SLIT2: variants seen among roughly 807,000 people sequenced by gnomAD.
The protein encoded by SLIT2 is slit guidance ligand 2.
Under a neutral mutation model 185.7 loss-of-function variants are expected in SLIT2, and 41 were observed. That is an observed-to-expected ratio of 0.22 (90% confidence interval 0.17 to 0.29). The LOEUF is 0.29. Among genes scored for constraint, SLIT2 ranks in the 10% least tolerant of loss-of-function variants. The pLI, the probability that SLIT2 is intolerant of heterozygous loss-of-function variation, is 1.00. For missense variants in SLIT2, 1,571 were observed against 1,909.0 expected (o/e 0.82, Z 3.30); for synonymous variants, 693 against 680.2 (o/e 1.02, Z -0.29).
At chr4:20,429,295 G>A (rs554152058) in intron 4 of SLIT2, among the ~76,000 whole-genome samples, 93 of 152,040 alleles carry the variant, frequency 6.1e-4, no homozygotes, top group Non-Finnish European at 1.1e-3. Context: ...AGTTTCCTAT[G>A]CAATCCCAAT....
At chr4:20,612,527 C>A (rs775296684) in intron 34 of SLIT2, among the ~76,000 whole-genome samples, 1 of 152,014 alleles carries the variant, frequency 6.6e-6, no homozygotes, top group East Asian at 1.9e-4. Context: ...TTTCAAACCA[C>A]AAGGAACCTG....
intron 9 of SLIT2, among the ~76,000 whole-genome samples, chr4:20,495,537 C>A (rs995262458): frequency 1.3e-5 from 2 of 152,050 alleles, no homozygotes; most frequent in Non-Finnish European, 2.9e-5. Context: ...TTCTTATGAT[C>A]GTGATTTTCT....
chr4:20,365,713 C>G (rs1224384950), intron 4 of SLIT2, among the ~76,000 whole-genome samples: 2 of 152,082 alleles, frequency 1.3e-5, no homozygotes, highest in East Asian at 3.9e-4. Context: ...AAGAACTGTG[C>G]CTGCCACACT....
At chr4:20,534,944 C>T (rs555753430) in intron 18 of SLIT2, among the ~76,000 whole-genome samples, 3 of 152,238 alleles carry the variant, frequency 2.0e-5, no homozygotes, top group Non-Finnish European at 4.4e-5. Context: ...CTGACCCATC[C>T]CAAGGGCTAA....
At chr4:20,434,450 C>A (rs941546636) in intron 4 of SLIT2, among the ~76,000 whole-genome samples, 1 of 152,062 alleles carries the variant, frequency 6.6e-6, no homozygotes, top group Non-Finnish European at 1.5e-5. Context: ...CGCACCACTG[C>A]ACCTCCAGCT....
chr4:20,509,373 T>C (rs764602027), intron 9 of SLIT2, among the ~76,000 whole-genome samples: 40 of 152,082 alleles, frequency 2.6e-4, no homozygotes, highest in Non-Finnish European at 4.3e-4. Context: ...CAGAAGAAGC[T>C]GGTATTTTAT....
At chr4:20,574,487 GATA>G (rs1378389840) in intron 29 of SLIT2, among the ~76,000 whole-genome samples, 1 of 152,098 alleles carries the variant, frequency 6.6e-6, no homozygotes, top group Non-Finnish European at 1.5e-5. Flanking sequence ...GGATTATGAG[GATA>G]ATAAGGAAGT....
intron 9 of SLIT2, among the ~76,000 whole-genome samples, 186 bp downstream of exon 9, chr4:20,492,085 TG>T (rs1717834725): frequency 1.3e-5 from 2 of 152,208 alleles, no homozygotes; most frequent in Non-Finnish European, 1.5e-5. Context: ...GTGGCTGTGA[TG>T]TTTTTTCTTC....
At chr4:20,263,554 C>G (rs918610104) in intron 3 of SLIT2, among the ~76,000 whole-genome samples, 10 of 151,900 alleles carry the variant, frequency 6.6e-5, no homozygotes, top group African/African-American at 2.4e-4. Flanking sequence ...AAATACACAT[C>G]AATTGTACTG....
At position 20,369,809 on chromosome 4, in the gene SLIT2, A is replaced by G. The variant is rs1291012005; in HGVS notation, c.396-97943A>G. On this transcript the variant is annotated intron_variant, in intron 4 of 36. Coordinates refer to ENST00000504154, the MANE Select transcript of SLIT2 (RefSeq NM_004787.4). ...TGCTCACCATATCTGGAGGTATTTG[A>G]AGTTTCTGTGTTTTAGGTTTCCACC... Among the ~76,000 whole-genome samples the G allele has an allele frequency of 2.0e-5, 3 of 151,910 alleles. No homozygotes were observed. In the East Asian group the frequency reaches 5.8e-4, roughly 30 times the overall value.
At chr4:20,573,940 T>TTATTTATTTATTTATG (rs1194173116) in intron 29 of SLIT2, among the ~76,000 whole-genome samples, 1 of 147,926 alleles carries the variant, frequency 6.8e-6, no homozygotes, top group African/African-American at 2.5e-5. Context: ...TAGAATTATT[T>TTATTTATTTATTTATG]TATTTATTTA....
intron 3 of SLIT2, among the ~76,000 whole-genome samples, chr4:20,262,813 G>A (rs938474579): frequency 3.9e-5 from 6 of 151,974 alleles, no homozygotes; most frequent in East Asian, 1.9e-4. Flanking sequence ...ATCCCTGTGC[G>A]CTGTTACAAG....
chr4:20,560,965 C>A (rs997372224), intron 26 of SLIT2, among the ~76,000 whole-genome samples: 14 of 151,752 alleles, frequency 9.2e-5, no homozygotes, highest in African/African-American at 3.4e-4. Context: ...ATAGATAATT[C>A]TAAAAAATGG....
At chr4:20,442,488 C>A (rs1015773207) in intron 4 of SLIT2, among the ~76,000 whole-genome samples, 5 of 133,718 alleles carry the variant, frequency 3.7e-5, no homozygotes, top group Non-Finnish European at 7.7e-5. Context: ...CGCGCCACTG[C>A]GCTCCAGCCT....
chr4:20,316,442 A>G (rs1387109992), intron 4 of SLIT2, among the ~76,000 whole-genome samples: 1 of 152,014 alleles, frequency 6.6e-6, no homozygotes, highest in Non-Finnish European at 1.5e-5. Flanking sequence ...TAGATATGCT[A>G]CACTATAAAA....
chr4:20,566,137 C>A (rs1479269327), intron 26 of SLIT2, among the ~76,000 whole-genome samples: 1 of 151,990 alleles, frequency 6.6e-6, no homozygotes, highest in East Asian at 1.9e-4. Flanking sequence ...AAGGTTAGAG[C>A]AGTAACGGTG....
In SLIT2 at chr4:20,435,737, C is replaced by T. The variant is rs555351497; in HGVS notation, c.396-32015C>T. Among the ~76,000 whole-genome samples the T allele has an allele frequency of 2.0e-5, 3 of 152,222 alleles. No homozygotes were observed. In the East Asian group the frequency reaches 5.8e-4, roughly 29 times the overall value. On this transcript the variant is annotated intron_variant, in intron 4 of 36. Coordinates refer to ENST00000504154, the MANE Select transcript of SLIT2 (RefSeq NM_004787.4). ...AACAGGGTGTTGACTCTAGCTAGAT[C>T]AGAGCATTCCAAATGAAGTCATAGG...
chr4:20,357,109 G>A (rs1049537648), intron 4 of SLIT2, among the ~76,000 whole-genome samples: 1 of 152,084 alleles, frequency 6.6e-6, no homozygotes, highest in African/African-American at 2.4e-5. Flanking sequence ...AATATTTTAA[G>A]TTAACATCTA....
intron 26 of SLIT2, among the ~76,000 whole-genome samples, chr4:20,555,159 G>C (rs186162571): frequency 6.6e-6 from 1 of 152,184 alleles, no homozygotes; most frequent in East Asian, 1.9e-4. Flanking sequence ...AGAAAATATT[G>C]ATTAAGCATG....
Sources: gnomAD v4.1 joint callset for allele counts (sites outside exome capture counted in the v4.1 genomes callset) on GRCh38, gnomAD v4.1.1 for gene constraint, MANE v1.5 for transcripts, NCBI Gene and HGNC (gene_info 2026-07-23, HGNC 2026-07-21) for gene names.